DOK6: variants seen among roughly 807,000 people sequenced by gnomAD.
The protein encoded by DOK6 is docking protein 6, also known as downstream of tyrosine kinase 6.
In DOK6, 22 loss-of-function variants were observed where a neutral mutation model predicts 44.0. The observed-to-expected ratio is 0.50, with a 90% CI of 0.36 to 0.71. DOK6 has a LOEUF of 0.71. Among genes scored for constraint, DOK6 ranks in the 30% least tolerant of loss-of-function variants. The pLI is 0.00. For synonymous variants in DOK6, 166 were observed against 145.5 expected, an observed-to-expected ratio of 1.14 and a Z score of -1.01; for missense variants, 340 against 416.4, an observed-to-expected ratio of 0.82 and a Z score of 1.60.
At chr18:69,626,842 T>C (rs1433096437) in intron 3 of DOK6, among the ~76,000 whole-genome samples, 1 of 152,170 alleles carries the variant, frequency 6.6e-6, no homozygotes, top group African/African-American at 2.4e-5. Context: ...AAGAGGTTTT[T>C]AAAAGATTTC....
intron 7 of DOK6, among the ~76,000 whole-genome samples, chr18:69,805,878 A>G (rs1599335325): frequency 6.6e-6 from 1 of 152,040 alleles, no homozygotes; most frequent in African/African-American, 2.4e-5. Flanking sequence ...ATCCTTTCAA[A>G]CCCGTTTTTT....
intron 1 of DOK6, among the ~76,000 whole-genome samples, chr18:69,518,897 C>G (rs2144562974): frequency 6.6e-6 from 1 of 152,144 alleles, no homozygotes; most frequent in East Asian, 1.9e-4. Flanking sequence ...TTACCACTGA[C>G]AAACCTGATG....
At chr18:69,401,986 G>A (rs189229465) in intron 1 of DOK6, among the ~76,000 whole-genome samples, 4 of 152,326 alleles carry the variant, frequency 2.6e-5, no homozygotes, top group Admixed American at 6.5e-5. Flanking sequence ...GCCTGGCTTG[G>A]GAGGGAAACC....
chr18:69,793,912 A>G (rs1980670176), intron 7 of DOK6, among the ~76,000 whole-genome samples: 1 of 152,296 alleles, frequency 6.6e-6, no homozygotes, highest in Non-Finnish European at 1.5e-5. Flanking sequence ...GCCACACTCA[A>G]CGAAACTGAG....
At chr18:69,545,174 T>C (rs1481347282) in intron 1 of DOK6, among the ~76,000 whole-genome samples, 2 of 151,108 alleles carry the variant, frequency 1.3e-5, no homozygotes, top group East Asian at 3.9e-4. Flanking sequence ...CCTAGAGTTC[T>C]TGAGCAAAAA....
intron 1 of DOK6, among the ~76,000 whole-genome samples, chr18:69,540,087 A>G (rs1837963): frequency 0.095 from 14,498 of 152,140 alleles, 840 homozygotes; most frequent in East Asian, 0.28. Flanking sequence ...TGAGAACAGC[A>G]TGGGGGAAAC....
At chr18:69,582,932 T>G (rs1983404406) in intron 2 of DOK6, among the ~76,000 whole-genome samples, 1 of 152,232 alleles carries the variant, frequency 6.6e-6, no homozygotes, top group Non-Finnish European at 1.5e-5. Flanking sequence ...ATGGTTTACC[T>G]TCACCATATT....
chr18:69,783,223 A>G (rs1255157088), intron 7 of DOK6, among the ~76,000 whole-genome samples: 1 of 152,228 alleles, frequency 6.6e-6, no homozygotes, highest in African/African-American at 2.4e-5. Flanking sequence ...CAACACTAGC[A>G]CTGTGCATCC....
Position 69,401,121 on chromosome 18 carries a change from GGGC to G in DOK6, c.-116_-114del. The G allele has an allele frequency of 1.0e-6, 1 of 960,174 alleles. No individual in the cohort carries two copies. The highest frequency in any genetic ancestry group is 1.4e-6 in the Non-Finnish European group (1 of 723,024). 59.5% of individuals were successfully genotyped at this position (960,174 alleles called of 1,614,324 possible). On this transcript the variant is annotated 5_prime_UTR_variant, in exon 1 of 8. Coordinates refer to ENST00000382713, the MANE Select transcript of DOK6 (RefSeq NM_152721.6). ...CACCGGCGGGAGCTCGGGGAAGAGCGGGCGGCGGCGCTGCTGCTGGCGGCGGCC... is the reference window on the plus strand; with the variant it reads ...CACCGGCGGGAGCTCGGGGAAGAGCGGGCGGCGCTGCTGCTGGCGGCGGCC...
At chr18:69,552,939 G>C (rs537940371) in intron 1 of DOK6, among the ~76,000 whole-genome samples, 1 of 152,366 alleles carries the variant, frequency 6.6e-6, no homozygotes, top group African/African-American at 2.4e-5. Flanking sequence ...TTAGAAGGCT[G>C]TCTATCAAAA....
At chr18:69,401,952 T>C (rs951584553) in intron 1 of DOK6, among the ~76,000 whole-genome samples, 1 of 152,164 alleles carries the variant, frequency 6.6e-6, no homozygotes, top group African/African-American at 2.4e-5. Flanking sequence ...ATGGAGACCT[T>C]TCCCTATTCT....
chr18:69,415,016 C>G (rs533676334), intron 1 of DOK6, among the ~76,000 whole-genome samples: 1 of 152,118 alleles, frequency 6.6e-6, no homozygotes, highest in East Asian at 1.9e-4. Flanking sequence ...ATCTTTAACT[C>G]TCACTTTTCT....
intron 1 of DOK6, among the ~76,000 whole-genome samples, chr18:69,438,067 A>C (rs189806609): frequency 3.2e-4 from 48 of 152,308 alleles, no homozygotes; most frequent in Admixed American, 2.5e-3. Context: ...GGCTGCTGAC[A>C]GATCAAGGTG....
chr18:69,573,663 C>A (rs1599200073), intron 2 of DOK6, among the ~76,000 whole-genome samples: 1 of 151,394 alleles, frequency 6.6e-6, no homozygotes, highest in Non-Finnish European at 1.5e-5. Flanking sequence ...GTATGCAAGG[C>A]CCCTTTTCTG....
rs569046008 is a variant in DOK6, at chr18:69,773,884, C to A, written c.856+16011C>A. 1.2e-4 allele frequency among the ~76,000 whole-genome samples: 18 copies of A among 151,086 alleles called. No individual in the cohort carries two copies. In the South Asian group the frequency reaches 3.6e-3, roughly 30 times the overall value. On this transcript the variant is annotated intron_variant, in intron 7 of 7. Transcript: ENST00000382713. ...TCCTTAAAGAACCAAAAATAGAATA[C>A]CATTTGATCCAGCAATCCTACCATT... is the stretch of plus-strand genomic sequence containing the variant.
rs552983103 is a variant in DOK6 at position 69,420,565 on chromosome 18, A to G, written c.66+19255A>G. On this transcript the variant is annotated intron_variant, in intron 1 of 7. Coordinates refer to ENST00000382713, the MANE Select transcript of DOK6 (RefSeq NM_152721.6). The stretch of plus-strand genomic sequence containing the variant: ...GTGCAGGTTTGTTACATATGTATAC[A>G]TGTGCCATGTTGGTGTGCTGCACCC... 3.5e-4 allele frequency among the ~76,000 whole-genome samples: 54 copies of G among 152,244 alleles called. 1 individual carries two copies. In the East Asian group the frequency reaches 9.5e-3, roughly 27 times the overall value.
chr18:69,694,493 A>G (rs1986349692), intron 4 of DOK6, among the ~76,000 whole-genome samples: 1 of 150,882 alleles, frequency 6.6e-6, no homozygotes, highest in Non-Finnish European at 1.5e-5. Flanking sequence ...TTTAATAAAT[A>G]TTCCACCCTT....
chr18:69,749,323 T>C (rs905277686), intron 6 of DOK6, among the ~76,000 whole-genome samples: 1 of 152,116 alleles, frequency 6.6e-6, no homozygotes, highest in Non-Finnish European at 1.5e-5. Context: ...TTTAAAAAAA[T>C]GAAGGAACAT....
chr18:69,565,308 A>G (rs1031160785), intron 2 of DOK6, among the ~76,000 whole-genome samples: 2 of 152,142 alleles, frequency 1.3e-5, no homozygotes, highest in East Asian at 3.8e-4. Flanking sequence ...TGGATAATGT[A>G]ATGAATTTGT....
Sources: allele counts gnomAD v4.1 joint callset (sites outside exome capture counted in the v4.1 genomes callset), GRCh38; gene constraint gnomAD v4.1.1; transcripts MANE v1.5; gene names NCBI Gene and HGNC (gene_info 2026-07-23, HGNC 2026-07-21).